SLX9: variants seen among roughly 807,000 people sequenced by gnomAD.
SLX9 encodes the protein SLX9 ribosome biogenesis factor, also known as ribosome biogenesis protein SLX9 homolog.
Under a neutral mutation model 20.8 loss-of-function variants are expected in SLX9, and 19 were observed. The observed-to-expected ratio is 0.91, with a 90% CI of 0.64 to 1.34. The LOEUF (loss-of-function observed/expected upper bound fraction) is 1.34. SLX9 is among the 40% of genes most tolerant of loss of function. The pLI is 0.00. For missense variants in SLX9, 299 were observed against 322.2 expected (o/e 0.93, Z 0.55); for synonymous variants, 113 against 137.1 (o/e 0.82, Z 1.23).
rs755983842 is a variant in SLX9 at position 44,967,095 on chromosome 21, G to A, written c.414G>A (p.Thr138=). The change falls in exon 4 of 6, where the codon ACG becomes ACA. Residue 138 remains threonine (T), a synonymous_variant. Coordinates refer to ENST00000291634, the MANE Select transcript of SLX9 (RefSeq NM_058190.4). ...GGGAGGAGCGGAGGCGGAGGGCCAC[G>A]GTGGTGGTGGGGGACCTGCACCCTC... is the stretch of plus-strand genomic sequence containing the variant. ...KHREERRRRA[T]VVVGDLHPLR... is the part of the protein sequence containing the mutation. 6.8e-6 allele frequency: 11 copies of A among 1,611,424 alleles called. No individual in the cohort carries two copies. Among genetic ancestry groups the A allele is most frequent in the African/African-American group, 1.3e-5 (1 of 74,866 alleles).
At chr21:44,942,645 C>T (rs931813033) in intron 1 of SLX9, among the ~76,000 whole-genome samples, 2 of 152,154 alleles carry the variant, frequency 1.3e-5, no homozygotes, top group Admixed American at 6.6e-5. Context: ...AGGAGAAAAG[C>T]GTACCCATTC....
At position 44,943,764 on chromosome 21, in the gene SLX9, C is replaced by T. The variant is rs761624834; in HGVS notation, c.210C>T (p.Asp70=). The change falls in exon 2 of 6, where the codon GAC becomes GAT. Residue 70 remains aspartate (D), a synonymous_variant. Transcript: ENST00000291634. ...PSALVQKLEL[D]VRSVTSVRRG... ...CCTTGGTGCAGAAGCTGGAGCTGGA[C>T]GTGAGGAGTGTCACTTCCGTCAGGA... is the stretch of plus-strand genomic sequence containing the variant. The T allele has an allele frequency of 6.2e-6, 10 of 1,614,062 alleles. No homozygotes were observed. The highest frequency in any genetic ancestry group is 3.3e-5 in the South Asian group (3 of 91,090).
intron 2 of SLX9, among the ~76,000 whole-genome samples, chr21:44,947,893 G>A (rs1224581239): frequency 2.0e-5 from 3 of 152,222 alleles, no homozygotes; most frequent in Non-Finnish European, 2.9e-5. Flanking sequence ...GGGGCTTTGC[G>A]GCAGCCTGTG....
chr21:44,961,007 A>G (rs746108976), intron 3 of SLX9, among the ~76,000 whole-genome samples: 1 of 152,160 alleles, frequency 6.6e-6, no homozygotes, highest in Non-Finnish European at 1.5e-5. Flanking sequence ...CAGAGGTAGG[A>G]CCTAGAAAAC....
At chr21:44,971,830 C>T (rs1208692151) in intron 4 of SLX9, among the ~76,000 whole-genome samples, 1 of 152,118 alleles carries the variant, frequency 6.6e-6, no homozygotes, top group African/African-American at 2.4e-5. Context: ...GCTTCTGCAT[C>T]GGGGCAAGGC....
At chr21:44,973,087 C>G (rs560684833) in intron 4 of SLX9, 110 bp from the exon 5 acceptor site, 23 of 1,150,734 alleles carry the variant, frequency 2.0e-5, no homozygotes, top group Non-Finnish European at 2.0e-5. Context: ...GTTTGGTCAC[C>G]TCTGGCCACC....
chr21:44,957,583 A>C (rs1271636724), intron 2 of SLX9, among the ~76,000 whole-genome samples: 1 of 152,210 alleles, frequency 6.6e-6, no homozygotes, highest in African/African-American at 2.4e-5. Context: ...GAGCCACCTC[A>C]TGCCCTGCGG....
chr21:44,949,003 G>A (rs1416827753), intron 2 of SLX9, among the ~76,000 whole-genome samples: 2 of 152,242 alleles, frequency 1.3e-5, no homozygotes, highest in Non-Finnish European at 1.5e-5. Flanking sequence ...GTCCAGAGGG[G>A]GCCAAGGTGG....
At chr21:44,973,014 A>T in intron 4 of SLX9, 183 bp from the exon 5 acceptor site, 2 of 712,874 alleles carry the variant, frequency 2.8e-6, no homozygotes, top group Non-Finnish European at 4.7e-6. Flanking sequence ...AGGCAGTTGC[A>T]CTGCTTGTCC....
At chr21:44,972,282 G>C (rs1421217202) in intron 4 of SLX9, among the ~76,000 whole-genome samples, 2 of 152,062 alleles carry the variant, frequency 1.3e-5, no homozygotes, top group Admixed American at 1.3e-4. Context: ...GTGAACATTC[G>C]GCCAGGTGGG....
At chr21:44,945,242 G>A (rs1225353785) in intron 2 of SLX9, among the ~76,000 whole-genome samples, 2 of 152,196 alleles carry the variant, frequency 1.3e-5, no homozygotes, top group East Asian at 3.9e-4. Flanking sequence ...TCTCCAAGGA[G>A]GACCTGGTGA....
intron 2 of SLX9, among the ~76,000 whole-genome samples, chr21:44,948,689 A>G (rs1215356515): frequency 2.0e-5 from 3 of 152,132 alleles, no homozygotes; most frequent in Non-Finnish European, 4.4e-5. Flanking sequence ...TGGGGGCATG[A>G]GAGGCGCCGG....
At chr21:44,968,128 C>T (rs1031852254) in intron 4 of SLX9, among the ~76,000 whole-genome samples, 14 of 152,196 alleles carry the variant, frequency 9.2e-5, no homozygotes, top group African/African-American at 2.9e-4. Context: ...GGCCTGGTCC[C>T]GAGCATGAGC....
chr21:44,968,870 C>G (rs1352156572), intron 4 of SLX9, among the ~76,000 whole-genome samples: 1 of 151,792 alleles, frequency 6.6e-6, no homozygotes, highest in Non-Finnish European at 1.5e-5. Flanking sequence ...TCTCCTGCCT[C>G]AGCCTCCCAA....
At chr21:44,959,699 G>C (rs1009237462) in intron 2 of SLX9, among the ~76,000 whole-genome samples, 1 of 152,266 alleles carries the variant, frequency 6.6e-6, no homozygotes, top group African/African-American at 2.4e-5. Flanking sequence ...GGATCTTGGG[G>C]ATGTCCCCCT....
At chr21:44,939,945 T>TCCGGCGGCCGCGGGGCTC (rs1341341209), upstream of SLX9, 40 of 1,185,180 alleles carry the variant, frequency 3.4e-5, no homozygotes, top group African/African-American at 4.6e-4. Flanking sequence ...TCCGGGTACT[T>TCCGGCGGCCGCGGGGCTC]CCGGCGGCCG....
At chr21:44,970,249 GTA>G (rs1268303734) in intron 4 of SLX9, among the ~76,000 whole-genome samples, 3 of 152,236 alleles carry the variant, frequency 2.0e-5, no homozygotes, top group African/African-American at 7.2e-5. Flanking sequence ...TTCTCCCCGT[GTA>G]TGTGTCGCTC....
chr21:44,956,573 C>T (rs969788383), intron 2 of SLX9, among the ~76,000 whole-genome samples: 14 of 152,200 alleles, frequency 9.2e-5, no homozygotes, highest in Admixed American at 1.3e-4. Flanking sequence ...TCCCGGCACC[C>T]GAGCCCGAGA....
chr21:44,973,816 C>G (rs1394518566), intron 5 of SLX9, among the ~76,000 whole-genome samples: 2 of 152,208 alleles, frequency 1.3e-5, no homozygotes, highest in Non-Finnish European at 2.9e-5. Context: ...TGGCTCCTGC[C>G]TGTCTGCTCC....
Sources: gnomAD v4.1 joint callset for allele counts (sites outside exome capture counted in the v4.1 genomes callset) on GRCh38, gnomAD v4.1.1 for gene constraint, MANE v1.5 for transcripts, NCBI Gene and HGNC (gene_info 2026-07-23, HGNC 2026-07-21) for gene names.